RIT1: variants seen among roughly 807,000 people sequenced by gnomAD.
RIT1 encodes GTP-binding protein Rit1.
RIT1 carries 6 observed loss-of-function variants against 25.6 expected under a neutral mutation model. That is an observed-to-expected ratio of 0.23 (90% CI 0.13 to 0.46). The LOEUF (loss-of-function observed/expected upper bound fraction) is 0.46. Among genes scored for constraint, RIT1 ranks in the 20% least tolerant of loss-of-function variants. The probability of loss-of-function intolerance (pLI) is 0.99; values close to 1 mark genes in which losing one functional copy is unlikely to be tolerated. For synonymous variants in RIT1, 81 were observed against 94.1 expected, an observed-to-expected ratio of 0.86 and a Z score of 0.80; for missense variants, 219 against 284.4, an observed-to-expected ratio of 0.77 and a Z score of 1.65.
At chr1:155,911,219 C>T in intron 1 of RIT1, 24 bp downstream of exon 1, 1 of 420,978 alleles carries the variant, frequency 2.4e-6, no homozygotes, top group Non-Finnish European at 4.3e-6. Context: ...TGCTGCTCCG[C>T]CGCCAGACTC....
chr1:155,904,412 C>T lies in RIT1; in HGVS notation c.328G>A (p.Glu110Lys). 1 of 1,614,042 alleles carries T rather than the reference C, an allele frequency of 6.2e-7. No individual in the cohort carries two copies. Among genetic ancestry groups the T allele is most frequent in the East Asian group, 2.2e-5 (1 of 44,882 alleles). The change falls in exon 5 of 6, where the codon GAA (glutamate) becomes AAA (lysine). Residue 110 changes from glutamate (E) to lysine (K), a missense_variant. By Grantham distance (56) the Glu-to-Lys change is moderately conservative. Transcript: ENST00000368323. ...ATAAGCTGTTTAAACTCACGAACTTCATGGAAACTTCGACGATCCGTGATA... is the reference window on the plus strand; with the variant it reads ...ATAAGCTGTTTAAACTCACGAACTTTATGGAAACTTCGACGATCCGTGATA... ...YSITDRRSFH[E>K]VREFKQLIYR...
At chr1:155,901,933 C>T (rs377202288) in intron 5 of RIT1, among the ~76,000 whole-genome samples, 15 of 152,088 alleles carry the variant, frequency 9.9e-5, no homozygotes, top group Admixed American at 9.2e-4. Context: ...ATGGCCAACA[C>T]GGTGAAACCC....
intron 4 of RIT1, 57 bp downstream of exon 4, chr1:155,904,674 C>T: frequency 7.4e-7 from 1 of 1,345,760 alleles, no homozygotes; most frequent in Non-Finnish European, 1.1e-6. Context: ...GTAGGCCTTC[C>T]CCTCCCCTTT....
chr1:155,911,101 GAAGA>G (rs1267488122), intron 1 of RIT1, 138 bp downstream of exon 1: 7 of 626,884 alleles, frequency 1.1e-5, no homozygotes, highest in South Asian at 8.4e-5. Context: ...AAAGTTTTGG[GAAGA>G]AAGGGATGCG....
chr1:155,905,195 C>G (rs1673411418), intron 3 of RIT1, among the ~76,000 whole-genome samples: 1 of 151,952 alleles, frequency 6.6e-6, no homozygotes, highest in Non-Finnish European at 1.5e-5. Context: ...ACAGCAACAG[C>G]TCATCTTTTT....
chr1:155,902,390 G>T (rs1430200377), intron 5 of RIT1, among the ~76,000 whole-genome samples: 4 of 151,132 alleles, frequency 2.6e-5, no homozygotes, highest in Non-Finnish European at 4.4e-5. Flanking sequence ...AGAAAAATTA[G>T]CTGGGCATGG....
At chr1:155,908,562 A>AT (rs397745289) in intron 3 of RIT1, among the ~76,000 whole-genome samples, 9,064 of 139,942 alleles carry the variant, frequency 0.065, 318 homozygotes, top group Middle Eastern at 0.1. Flanking sequence ...TCTCTGAACA[A>AT]TTTTTTTTTT....
chr1:155,906,774 A>AG (rs1277671102), intron 3 of RIT1, among the ~76,000 whole-genome samples: 3 of 135,038 alleles, frequency 2.2e-5, no homozygotes, highest in East Asian at 2.3e-4. Flanking sequence ...AAAAAAAAAA[A>AG]AAAAAAAAAA....
Position 155,898,511 on chromosome 1 carries a change from AAAAAAAAATATATAT to A in RIT1, c.*1862_*1876del, listed in dbSNP as rs1206969408. The A allele has an allele frequency of 1.8e-5, 2 of 112,438 alleles. No homozygotes were observed. Among genetic ancestry groups the A allele is most frequent in the Non-Finnish European group, 3.5e-5 (2 of 56,612 alleles). 7.0% of individuals were successfully genotyped at this position (112,438 alleles called of 1,614,324 possible). On this transcript the variant is annotated 3_prime_UTR_variant, in exon 6 of 6. Transcript: ENST00000368323. ...TCTATTTAAAAAAAAAAAAAAAAAAAAAAAAAAATATATATATATATATATATATATATCTCTTAA... is the reference window on the plus strand; with the variant it reads ...TCTATTTAAAAAAAAAAAAAAAAAAAATATATATATATATATATCTCTTAA...
chr1:155,905,407 C>T (rs1455128525), intron 3 of RIT1, among the ~76,000 whole-genome samples: 1 of 151,900 alleles, frequency 6.6e-6, no homozygotes, highest in Non-Finnish European at 1.5e-5. Flanking sequence ...GCAATGTTGT[C>T]CAGGCTAGTC....
intron 5 of RIT1, among the ~76,000 whole-genome samples, chr1:155,901,343 T>A (rs1248702245): frequency 2.0e-5 from 3 of 151,980 alleles, no homozygotes; most frequent in African/African-American, 7.3e-5. Flanking sequence ...TTACAAAATT[T>A]TTAAAAATTT....
At chr1:155,910,411 T>G in intron 3 of RIT1, 39 bp downstream of exon 3, 1 of 1,506,850 alleles carries the variant, frequency 6.6e-7, no homozygotes, top group Non-Finnish European at 9.2e-7. Flanking sequence ...GATATTTTTA[T>G]GGGGTATATT....
intron 1 of RIT1, 177 bp from the exon 2 acceptor site, chr1:155,910,981 T>C: frequency 7.1e-7 from 1 of 1,409,448 alleles, no homozygotes; most frequent in Non-Finnish European, 9.8e-7. Context: ...ATCTTCACCC[T>C]CCCTCCTAGA....
intron 5 of RIT1, 82 bp from the exon 6 acceptor site, chr1:155,900,700 A>G: frequency 1.8e-6 from 2 of 1,108,118 alleles, no homozygotes; most frequent in Non-Finnish European, 1.3e-6. Flanking sequence ...CCACCTTAAC[A>G]CAAAGAAAGC....
chr1:155,903,626 T>C (rs945389590), intron 5 of RIT1, among the ~76,000 whole-genome samples: 1 of 152,150 alleles, frequency 6.6e-6, no homozygotes, highest in African/African-American at 2.4e-5. Context: ...CTACCATAAA[T>C]AGTCTTGCAA....
In RIT1 at chr1:155,898,431, A is replaced by T. The variant is rs1412501917; in HGVS notation, c.*1957T>A. 3 of 136,856 alleles carry T rather than the reference A, an allele frequency of 2.2e-5. No individual in the cohort carries two copies. Among genetic ancestry groups the T allele is most frequent in the Admixed American group, 8.0e-5 (1 of 12,572 alleles). The allele number at this position is 136,856 out of a possible 1,614,324, so 8.5% of individuals were successfully genotyped here. ...CCTGTAATCCCAGCATATTGGGAGG[A>T]TTGCTTGAGCCTAGGAGTTCGAGAT... On this transcript the variant is annotated 3_prime_UTR_variant, in exon 6 of 6. Transcript: ENST00000368323.
intron 3 of RIT1, among the ~76,000 whole-genome samples, chr1:155,908,100 AC>A (rs374035274): frequency 7.6e-5 from 11 of 144,522 alleles, no homozygotes; most frequent in African/African-American, 2.5e-4. Context: ...AAAAAAAAAA[AC>A]AAAAAAAAAA....
intron 3 of RIT1, among the ~76,000 whole-genome samples, chr1:155,908,139 T>C (rs1571997320): frequency 7.4e-6 from 1 of 134,542 alleles, no homozygotes; most frequent in Non-Finnish European, 1.6e-5. Context: ...AGGAGACGAG[T>C]ATTTGAGTTT....
Position 155,898,240 on chromosome 1 carries a change from C to G in RIT1, c.*2148G>C, listed in dbSNP as rs533075000. 1 of 152,214 alleles carries G rather than the reference C, an allele frequency of 6.6e-6. No individual in the cohort carries two copies. Among genetic ancestry groups the G allele is most frequent in the East Asian group, 1.9e-4 (1 of 5,324 alleles). The allele number at this position is 152,214 out of a possible 1,614,324, so 9.4% of individuals were successfully genotyped here. ...ACTAATATTAATGGATGGACTAATA[C>G]AAGGATCTAATATATGACAGTGATA... On this transcript the variant is annotated 3_prime_UTR_variant, in exon 6 of 6. Transcript: ENST00000368323.
Sources: gnomAD v4.1 joint callset for allele counts (sites outside exome capture counted in the v4.1 genomes callset) on GRCh38, gnomAD v4.1.1 for gene constraint, MANE v1.5 for transcripts, NCBI Gene and HGNC (gene_info 2026-07-23, HGNC 2026-07-21) for gene names.